The following TRPM6 variants were observed in gnomAD, a reference collection of about 807,000 sequenced individuals.
TRPM6 encodes transient receptor potential cation channel subfamily M member 6.
Under a neutral mutation model 247.6 loss-of-function variants are expected in TRPM6, and 111 were observed. The ratio of observed to expected loss-of-function variants is 0.45; its 90% confidence interval spans 0.38 to 0.52. TRPM6 has a LOEUF of 0.52. Among genes scored for constraint, TRPM6 ranks in the 20% least tolerant of loss-of-function variants. TRPM6 has a pLI of 0.00. For synonymous variants in TRPM6, 892 were observed against 853.8 expected (o/e 1.04, Z -0.78); for missense variants, 2,126 against 2,421.5 (o/e 0.88, Z 2.56).
chr9:74,771,725 G>A lies in TRPM6; in HGVS notation c.3514C>T (p.Arg1172Ter), dbSNP rs35904059. The change falls in exon 25 of 39, where the codon CGA becomes TGA. Residue 1172 changes from arginine (R) to a stop codon, truncating the protein, a stop_gained. Transcript: ENST00000360774. LOFTEE classifies it high-confidence loss of function. Reference protein sequence around the residue: ...MEDVNCSCEERIRVTSERVTE... With the variant: ...MEDVNCSCEE Reference sequence around the variant, plus strand: ...TACCTTTCTGATGTCACTCGGATTCGTTCCTCACAACTACAATTCACATCT... The same window carrying A: ...TACCTTTCTGATGTCACTCGGATTCATTCCTCACAACTACAATTCACATCT... 3.7e-6 allele frequency: 6 copies of A among 1,613,780 alleles called. No homozygotes were observed. The South Asian group carries it at 4.4e-5, about 12-fold the overall frequency.
chr9:74,733,267 A>G (rs1338514463), intron 36 of TRPM6, among the ~76,000 whole-genome samples: 1 of 152,114 alleles, frequency 6.6e-6, no homozygotes, highest in Non-Finnish European at 1.5e-5. Flanking sequence ...AAGATACATA[A>G]AAACTAAATA....
intron 6 of TRPM6, 111 bp downstream of exon 6, chr9:74,833,887 T>C: frequency 6.9e-7 from 1 of 1,441,318 alleles, no homozygotes. Context: ...GAGTTGGTAG[T>C]GAATATATTA....
Position 74,763,054 on chromosome 9 carries a change from C to T in TRPM6, c.3617G>A (p.Ser1206Asn), listed in dbSNP as rs751907336. The T allele has an allele frequency of 1.5e-5, 24 of 1,613,960 alleles. No homozygotes were observed. Among genetic ancestry groups the T allele is most frequent in the Non-Finnish European group, 1.9e-5 (22 of 1,179,970 alleles). Reference protein sequence around the residue: ...FIKDSLLSLDSQVGHLQDLSA... With the variant: ...FIKDSLLSLDNQVGHLQDLSA... ...GAGATCCTGCAGGTGTCCCACCTGG[C>T]TGTCCAAAGACAGTAAGGAGTCCTT... Residue 1206 changes from serine to asparagine, a missense_variant, in exon 26 of 39, where the codon AGC becomes AAC. By Grantham distance (46) the Ser-to-Asn change is conservative. Coordinates refer to ENST00000360774, the MANE Select transcript of TRPM6 (RefSeq NM_017662.5).
intron 21 of TRPM6, among the ~76,000 whole-genome samples, chr9:74,784,691 A>G (rs7019155): frequency 0.09 from 13,649 of 152,272 alleles, 679 homozygotes; most frequent in Middle Eastern, 0.14. Flanking sequence ...GTCCTAATCA[A>G]AAGGGTAAGC....
At chr9:74,782,311 A>G (rs147765652) in intron 23 of TRPM6, 51 bp downstream of exon 23, 2 of 1,366,520 alleles carry the variant, frequency 1.5e-6, no homozygotes, top group East Asian at 4.6e-5. Flanking sequence ...TACTCAACAT[A>G]TCTGCCCACA....
At chr9:74,765,903 G>T (rs1405832407) in intron 25 of TRPM6, among the ~76,000 whole-genome samples, 1 of 152,116 alleles carries the variant, frequency 6.6e-6, no homozygotes, top group African/African-American at 2.4e-5. Flanking sequence ...TTCTGCTATA[G>T]AATTCAACTT....
intron 14 of TRPM6, among the ~76,000 whole-genome samples, chr9:74,805,447 A>G (rs944127036): frequency 1.3e-5 from 2 of 152,216 alleles, no homozygotes; most frequent in Non-Finnish European, 2.9e-5. Context: ...TTACTCCCTC[A>G]TTACTGAGGA....
intron 29 of TRPM6, among the ~76,000 whole-genome samples, chr9:74,751,995 GA>G (rs1055293916): frequency 2.8e-4 from 42 of 152,122 alleles, no homozygotes; most frequent in African/African-American, 8.9e-4. Flanking sequence ...AAACAGTTTC[GA>G]AAACTCCTGA....
At chr9:74,739,480 T>A in intron 34 of TRPM6, 31 bp from the exon 35 acceptor site, 1 of 1,595,476 alleles carries the variant, frequency 6.3e-7, no homozygotes, top group Non-Finnish European at 8.6e-7. Flanking sequence ...ATAAAAATAC[T>A]GATTTACTGT....
At position 74,785,950 on chromosome 9, in the gene TRPM6, A is replaced by C. The variant is rs768759897; in HGVS notation, c.2843T>G (p.Phe948Cys). ...GRLIYCIDIIFWFSRLLDFFA... is the reference protein window; with the variant it reads ...GRLIYCIDIICWFSRLLDFFA... The stretch of plus-strand genomic sequence containing the variant: ...GAAGTCCAGGAGCCGTGAGAACCAG[A>C]ATATGATGTCTATGCAGTAGATCAG... The change falls in exon 21 of 39, where the codon TTC (phenylalanine) becomes TGC (cysteine). Residue 948 changes from phenylalanine (F) to cysteine (C), a missense_variant. By Grantham distance (205) the Phe-to-Cys change is radical. Coordinates refer to ENST00000360774, the MANE Select transcript of TRPM6 (RefSeq NM_017662.5). 1.2e-6 allele frequency: 2 copies of C among 1,614,128 alleles called. No individual in the cohort carries two copies. Among genetic ancestry groups the C allele is most frequent in the African/African-American group, 1.3e-5 (1 of 74,940 alleles).
intron 28 of TRPM6, among the ~76,000 whole-genome samples, chr9:74,754,167 A>T (rs1211813531): frequency 6.6e-6 from 1 of 152,188 alleles, no homozygotes; most frequent in South Asian, 2.1e-4. Flanking sequence ...GATTTAATTT[A>T]TCCAAATTTA....
rs140943474 is a variant in TRPM6, at chr9:74,754,820, C to T, written c.4906+533G>A. Among the ~76,000 whole-genome samples, 1,438 of 152,296 alleles carry T rather than the reference C, an allele frequency of 9.4e-3. 16 individuals are homozygous for T. The highest frequency in any genetic ancestry group is 0.033 in the African/African-American group (1,371 of 41,550). On this transcript the variant is annotated intron_variant, in intron 28 of 38. Transcript: ENST00000360774. Reference sequence around the variant, plus strand: ...TCATCTTACCTGTCCAGACCTATTTCACCGTCCAGGCCTAGCCCATAGTAT... The same window carrying T: ...TCATCTTACCTGTCCAGACCTATTTTACCGTCCAGGCCTAGCCCATAGTAT...
intron 37 of TRPM6, among the ~76,000 whole-genome samples, chr9:74,728,754 C>T (rs1014784028): frequency 1.3e-5 from 2 of 152,176 alleles, no homozygotes; most frequent in Non-Finnish European, 2.9e-5. Context: ...TGGGACACGC[C>T]TTCTAAAACG....
intron 36 of TRPM6, 117 bp downstream of exon 36, chr9:74,738,290 C>T (rs1825756576): frequency 2.0e-6 from 2 of 1,010,256 alleles, no homozygotes; most frequent in Admixed American, 3.8e-5. Flanking sequence ...AATAAATGTG[C>T]CCACCTCCCT....
At chr9:74,886,679 G>A (rs1831541627) in intron 1 of TRPM6, among the ~76,000 whole-genome samples, 1 of 152,130 alleles carries the variant, frequency 6.6e-6, no homozygotes, top group South Asian at 2.1e-4. Flanking sequence ...GGATGAAATA[G>A]TTAAGAATCC....
chr9:74,787,342 A>G (rs1276213344), intron 20 of TRPM6, among the ~76,000 whole-genome samples: 1 of 151,488 alleles, frequency 6.6e-6, no homozygotes, highest in African/African-American at 2.4e-5. Flanking sequence ...CTCAAAAGAA[A>G]AAAAAAAAGA....
intron 27 of TRPM6, 145 bp from the exon 28 acceptor site, chr9:74,755,618 A>G (rs1826407441): frequency 9.8e-7 from 1 of 1,025,216 alleles, no homozygotes; most frequent in African/African-American, 1.6e-5. Context: ...GACAAATCCC[A>G]TCACTTAGGC....
At chr9:74,789,815 G>A (rs192895025) in intron 19 of TRPM6, among the ~76,000 whole-genome samples, 142 of 152,054 alleles carry the variant, frequency 9.3e-4, no homozygotes, top group Middle Eastern at 3.4e-3. Context: ...CAAAAAATTA[G>A]CTAGGCATGG....
chr9:74,819,770 C>T (rs150207406), intron 9 of TRPM6, among the ~76,000 whole-genome samples: 1 of 152,270 alleles, frequency 6.6e-6, no homozygotes, highest in Non-Finnish European at 1.5e-5. Flanking sequence ...TTCCTTTACC[C>T]TCTGAAAATA....
Sources: gnomAD v4.1 joint callset for allele counts (sites outside exome capture counted in the v4.1 genomes callset) on GRCh38, gnomAD v4.1.1 for gene constraint, MANE v1.5 for transcripts, NCBI Gene and HGNC (gene_info 2026-07-23, HGNC 2026-07-21) for gene names.